The following PDE7B variants were observed in gnomAD, a reference collection of about 807,000 sequenced individuals.
The protein encoded by PDE7B is phosphodiesterase 7B, also known as 3',5'-cyclic-AMP phosphodiesterase 7B.
In PDE7B, 29 loss-of-function variants were observed where a neutral mutation model predicts 56.2. The ratio of observed to expected loss-of-function variants is 0.52; its 90% CI spans 0.38 to 0.70. The LOEUF (loss-of-function observed/expected upper bound fraction) is 0.70, where lower values mean the gene tolerates loss of function less well. Ranked by LOEUF, PDE7B falls within the 30% of genes least tolerant of loss-of-function variation. The probability of loss-of-function intolerance (pLI) is 0.00; values close to 1 mark genes in which losing one functional copy is unlikely to be tolerated. For synonymous variants in PDE7B, 197 were observed against 196.9 expected (o/e 1.00, Z 0.00); for missense variants, 490 against 565.0 (o/e 0.87, Z 1.35).
chr6:136,187,185 G>C, intron 12 of PDE7B, 69 bp downstream of exon 12: 2 of 812,088 alleles, frequency 2.5e-6, no homozygotes. Flanking sequence ...ACAAAGAAAA[G>C]ATCTAAACAC....
At chr6:135,957,779 T>C (rs1173514626) in intron 2 of PDE7B, among the ~76,000 whole-genome samples, 2 of 152,128 alleles carry the variant, frequency 1.3e-5, no homozygotes, top group African/African-American at 4.8e-5. Context: ...CCACCCATGG[T>C]GACTCTAGAA....
chr6:135,855,288 T>C (rs767026362), intron 1 of PDE7B, among the ~76,000 whole-genome samples: 2 of 152,240 alleles, frequency 1.3e-5, no homozygotes, highest in Non-Finnish European at 2.9e-5. Context: ...GTTTTCAGGA[T>C]GTCAAGGGCT....
chr6:136,123,333 A>G (rs111862568), intron 3 of PDE7B, among the ~76,000 whole-genome samples: 15 of 152,034 alleles, frequency 9.9e-5, no homozygotes, highest in African/African-American at 3.4e-4. Context: ...AAAGTAAAAG[A>G]CCTCTTATTT....
chr6:136,173,711 G>A (rs986995017), intron 8 of PDE7B, 86 bp from the exon 9 acceptor site: 9 of 880,378 alleles, frequency 1.0e-5, no homozygotes, highest in Non-Finnish European at 1.7e-5. Flanking sequence ...GAGGGAAAAT[G>A]CTAGCGTCCG....
At chr6:136,055,698 A>G (rs1166601396) in intron 2 of PDE7B, among the ~76,000 whole-genome samples, 2 of 152,244 alleles carry the variant, frequency 1.3e-5, no homozygotes, top group Admixed American at 1.3e-4. Context: ...CCTATTCAGT[A>G]CAAAAGTGAG....
rs147653194 is a variant in PDE7B, at chr6:135,899,578, C to A, written c.21+47559C>A. 3.6e-3 allele frequency among the ~76,000 whole-genome samples: 553 copies of A among 151,806 alleles called. 6 individuals carry two copies. The highest frequency in any genetic ancestry group is 0.013 in the African/African-American group (537 of 41,464). ...AAAGTGGCTTATTAAAAATGTGTGT[C>A]TTTTTCCATATTGCCTGTTTATATA... On this transcript the variant is annotated intron_variant, in intron 1 of 12. Coordinates refer to ENST00000308191, the MANE Select transcript of PDE7B (RefSeq NM_018945.4).
At chr6:136,011,036 C>T (rs970998703) in intron 2 of PDE7B, among the ~76,000 whole-genome samples, 2 of 152,132 alleles carry the variant, frequency 1.3e-5, no homozygotes, top group African/African-American at 4.8e-5. Flanking sequence ...TTACATTTTA[C>T]TCACACCTCA....
chr6:136,092,897 G>T (rs541539252), intron 2 of PDE7B, among the ~76,000 whole-genome samples: 16 of 152,314 alleles, frequency 1.1e-4, no homozygotes, highest in African/African-American at 3.8e-4. Context: ...ATGAGGTACT[G>T]TATACTTGAA....
At chr6:135,908,388 C>T (rs768962458) in intron 1 of PDE7B, among the ~76,000 whole-genome samples, 2 of 152,000 alleles carry the variant, frequency 1.3e-5, no homozygotes, top group East Asian at 1.9e-4. Context: ...ACACCGCACC[C>T]GGCCTATCAT....
chr6:136,153,861 C>T (rs1778563648), intron 6 of PDE7B, among the ~76,000 whole-genome samples: 1 of 152,066 alleles, frequency 6.6e-6, no homozygotes, highest in African/African-American at 2.4e-5. Flanking sequence ...ATCCTTTTGG[C>T]CTTTCTCCCC....
intron 7 of PDE7B, among the ~76,000 whole-genome samples, chr6:136,154,532 C>A (rs375485040): frequency 2.8e-4 from 42 of 152,020 alleles, no homozygotes; most frequent in African/African-American, 9.2e-4. Context: ...CAGCATTGAA[C>A]TTTGTTGGGA....
intron 2 of PDE7B, among the ~76,000 whole-genome samples, chr6:136,093,457 TAC>T (rs909725709): frequency 2.1e-4 from 32 of 152,234 alleles, no homozygotes; most frequent in African/African-American, 7.7e-4. Context: ...TACTCCAAAA[TAC>T]ACCTCTCCCT....
At chr6:135,855,534 GATTA>G (rs1325620875) in intron 1 of PDE7B, among the ~76,000 whole-genome samples, 8 of 152,258 alleles carry the variant, frequency 5.3e-5, no homozygotes, top group South Asian at 2.1e-4. Context: ...TCTATAATGT[GATTA>G]ATTAAGTGCA....
intron 2 of PDE7B, among the ~76,000 whole-genome samples, chr6:135,948,896 T>TAGACAGAC (rs869032694): frequency 7.9e-5 from 5 of 63,222 alleles, no homozygotes; most frequent in African/African-American, 3.0e-4. Context: ...GATAGATAGA[T>TAGACAGAC]AGACAGACAG....
chr6:136,058,715 A>T (rs1776782612), intron 2 of PDE7B, among the ~76,000 whole-genome samples: 1 of 152,126 alleles, frequency 6.6e-6, no homozygotes, highest in African/African-American at 2.4e-5. Context: ...ATTTGGGGAA[A>T]ATGTAAGAGA....
chr6:136,135,902 C>T (rs1011949150), intron 3 of PDE7B, among the ~76,000 whole-genome samples: 1 of 152,052 alleles, frequency 6.6e-6, no homozygotes, highest in African/African-American at 2.4e-5. Context: ...CGTCAAAGTC[C>T]GTACTGTAAG....
At chr6:136,188,782 C>A (rs960412296) in intron 12 of PDE7B, among the ~76,000 whole-genome samples, 2 of 152,110 alleles carry the variant, frequency 1.3e-5, no homozygotes, top group Non-Finnish European at 2.9e-5. Context: ...TAAAAAGGGG[C>A]TGGGGGTTGA....
At chr6:135,941,252 A>AT (rs5880271) in intron 1 of PDE7B, among the ~76,000 whole-genome samples, 11 of 151,652 alleles carry the variant, frequency 7.3e-5, no homozygotes, top group Non-Finnish European at 1.6e-4. Context: ...CTTAGGTTTG[A>AT]TTTTTTTTTT....
At chr6:136,173,022 G>A (rs1778917262) in intron 8 of PDE7B, among the ~76,000 whole-genome samples, 2 of 151,656 alleles carry the variant, frequency 1.3e-5, no homozygotes, top group Non-Finnish European at 3.0e-5. Flanking sequence ...ACAAATGGAA[G>A]AACATTCCAT....
Sources: allele counts gnomAD v4.1 joint callset (sites outside exome capture counted in the v4.1 genomes callset), GRCh38; gene constraint gnomAD v4.1.1; transcripts MANE v1.5; gene names NCBI Gene and HGNC (gene_info 2026-07-23, HGNC 2026-07-21).